RASSF5: variants seen among roughly 807,000 people sequenced by gnomAD.
RASSF5 encodes the protein ras association domain-containing protein 5.
In RASSF5, 25 loss-of-function variants were observed where a neutral mutation model predicts 40.5. The observed-to-expected ratio is 0.62, with a 90% CI of 0.45 to 0.86. The LOEUF (loss-of-function observed/expected upper bound fraction) is 0.86, where lower values mean the gene tolerates loss of function less well. RASSF5 is among the 40% of genes least tolerant of loss of function. The probability of loss-of-function intolerance (pLI) is 0.00; values close to 1 mark genes in which losing one functional copy is unlikely to be tolerated. For synonymous variants in RASSF5, 246 were observed against 252.4 expected (o/e 0.97, Z 0.24); for missense variants, 521 against 572.8 (o/e 0.91, Z 0.92).
chr1:206,579,464 A>T lies in RASSF5; in HGVS notation c.580-3805A>T, dbSNP rs1027411946. 1.1e-4 allele frequency among the ~76,000 whole-genome samples: 16 copies of T among 152,142 alleles called. No homozygotes were observed. The highest frequency in any genetic ancestry group is 2.0e-4 in the Admixed American group (3 of 15,284). ...ATCAGAGTCTTTGTCTTATCCTCTG[A>T]AGATTGCTATAGTATCGATCTCGCT... On this transcript the variant is annotated intron_variant, in intron 2 of 5. Transcript: ENST00000579436. The surrounding 1 kb of genome is among the most constrained non-coding windows in gnomAD (Gnocchi z 4.2).
chr1:206,526,662 C>T (rs1173181909), intron 1 of RASSF5, among the ~76,000 whole-genome samples: 2 of 152,180 alleles, frequency 1.3e-5, no homozygotes, highest in Non-Finnish European at 2.9e-5. Flanking sequence ...CCTATCCTTC[C>T]AGCCCCCCTG....
At chr1:206,543,554 CGT>C (rs1254768820) in intron 2 of RASSF5, 4 of 114,514 alleles carry the variant, frequency 3.5e-5, no homozygotes, top group African/African-American at 7.4e-5. Flanking sequence ...TATATATACA[CGT>C]GTGTGTGTAT....
chr1:206,582,812 G>C (rs527606752), intron 2 of RASSF5, among the ~76,000 whole-genome samples: 1 of 152,310 alleles, frequency 6.6e-6, no homozygotes, highest in South Asian at 2.1e-4. Context: ...GTAGACGCCT[G>C]TCCCTCCAGC....
At chr1:206,559,495 C>G (rs1553402291) in intron 2 of RASSF5, among the ~76,000 whole-genome samples, 1 of 152,204 alleles carries the variant, frequency 6.6e-6, no homozygotes, top group Non-Finnish European at 1.5e-5. Context: ...CCATCTCTCT[C>G]CCTTCTTCCC....
chr1:206,550,427 A>G (rs2103533053), intron 2 of RASSF5, among the ~76,000 whole-genome samples: 1 of 152,314 alleles, frequency 6.6e-6, no homozygotes, highest in African/African-American at 2.4e-5. Context: ...CTCATAATGC[A>G]CTGGGCCTTG....
intron 2 of RASSF5, among the ~76,000 whole-genome samples, chr1:206,563,072 T>C (rs1431403078): frequency 3.9e-5 from 6 of 152,174 alleles, no homozygotes; most frequent in Non-Finnish European, 7.4e-5. Context: ...CCCCCTTTAC[T>C]TAAAAAAGTT....
At chr1:206,536,200 T>C (rs144532645) in intron 1 of RASSF5, among the ~76,000 whole-genome samples, 10 of 152,230 alleles carry the variant, frequency 6.6e-5, no homozygotes, top group Middle Eastern at 3.4e-3. Flanking sequence ...GGACCAGAAA[T>C]GCATGTGGGT....
chr1:206,567,301 G>A (rs782268533), intron 2 of RASSF5, among the ~76,000 whole-genome samples: 23 of 152,300 alleles, frequency 1.5e-4, no homozygotes, highest in Non-Finnish European at 2.6e-4. Flanking sequence ...GGGAGGGAGC[G>A]GGGGAGCCTG....
chr1:206,558,214 A>T (rs782157457), intron 2 of RASSF5, among the ~76,000 whole-genome samples: 5 of 152,202 alleles, frequency 3.3e-5, no homozygotes, highest in Admixed American at 1.3e-4. Flanking sequence ...AGCAGACGAA[A>T]ACTTCTGGCC....
intron 2 of RASSF5, chr1:206,557,281 C>T: frequency 8.4e-7 from 1 of 1,191,890 alleles, no homozygotes; most frequent in South Asian, 2.7e-5. Flanking sequence ...CCGCAGAGCC[C>T]GGACGAGTCA....
intron 2 of RASSF5, among the ~76,000 whole-genome samples, chr1:206,568,114 C>G (rs1414477840): frequency 6.6e-6 from 1 of 152,148 alleles, no homozygotes; most frequent in Non-Finnish European, 1.5e-5. Flanking sequence ...ATCTTGGAGT[C>G]ACTGAAGATA....
intron 2 of RASSF5, among the ~76,000 whole-genome samples, chr1:206,547,043 G>A (rs538101127): frequency 6.6e-6 from 1 of 152,288 alleles, no homozygotes; most frequent in Non-Finnish European, 1.5e-5. Context: ...GGCTGAGGTA[G>A]GAGGGTCATT....
Position 206,535,743 on chromosome 1 carries a change from TGA to T in RASSF5, c.458-2412_458-2411del, listed in dbSNP as rs1233464559. Among the ~76,000 whole-genome samples, 3,668 of 128,094 alleles carry T rather than the reference TGA, an allele frequency of 0.029. 165 individuals are homozygous for T. The highest frequency in any genetic ancestry group is 0.097 in the African/African-American group (3,363 of 34,760). 84.0% of individuals were successfully genotyped at this position (128,094 alleles called of 152,430 possible). ...GTGTGTGTGTGTGTGTGTGTGTGTGTGAGAGAGAGAGAGAGAGATGGAAATTG... is the reference window on the plus strand; with the variant it reads ...GTGTGTGTGTGTGTGTGTGTGTGTGTGAGAGAGAGAGAGAGATGGAAATTG... On this transcript the variant is annotated intron_variant, in intron 1 of 5. Transcript: ENST00000579436. The surrounding 1 kb of genome is among the most constrained non-coding windows in gnomAD (Gnocchi z 5.0).
chr1:206,565,352 G>A (rs1324758103), intron 2 of RASSF5, among the ~76,000 whole-genome samples: 1 of 152,164 alleles, frequency 6.6e-6, no homozygotes, highest in Non-Finnish European at 1.5e-5. Context: ...ACTGCCAAGG[G>A]CTTATTTTTC....
chr1:206,508,105 G>A (rs1666512893), intron 1 of RASSF5, 46 bp downstream of exon 1: 2 of 1,304,832 alleles, frequency 1.5e-6, no homozygotes, highest in African/African-American at 3.1e-5. Flanking sequence ...ACCGCAGTCT[G>A]GGGGCGAAGG....
chr1:206,575,492 A>G lies in RASSF5; in HGVS notation c.580-7777A>G, dbSNP rs538063847. Among the ~76,000 whole-genome samples, 7 of 152,284 alleles carry G rather than the reference A, an allele frequency of 4.6e-5. No individual in the cohort carries two copies. In the South Asian group the frequency reaches 1.4e-3, roughly 32 times the overall value. ...TAAGATAGAGTCTTGCTGACAATAGAGAAAAGTGGTGAGCAGTGAAAAAGT... is the reference window on the plus strand; with the variant it reads ...TAAGATAGAGTCTTGCTGACAATAGGGAAAAGTGGTGAGCAGTGAAAAAGT... On this transcript the variant is annotated intron_variant, in intron 2 of 5. Coordinates refer to ENST00000579436, the MANE Select transcript of RASSF5 (RefSeq NM_182663.4).
chr1:206,509,887 G>T (rs1260572873), intron 1 of RASSF5, among the ~76,000 whole-genome samples: 14 of 152,048 alleles, frequency 9.2e-5, no homozygotes, highest in African/African-American at 3.4e-4. Flanking sequence ...GAAGATCTAG[G>T]CCCCCGGGCA....
intron 1 of RASSF5, among the ~76,000 whole-genome samples, chr1:206,514,755 G>C (rs1228171815): frequency 1.3e-5 from 2 of 152,198 alleles, no homozygotes; most frequent in African/African-American, 2.4e-5. Context: ...CTGGATGCTA[G>C]AGCTGGAAAA....
intron 2 of RASSF5, chr1:206,557,358 T>C: frequency 3.0e-6 from 4 of 1,334,468 alleles, no homozygotes; most frequent in Non-Finnish European, 3.8e-6. Flanking sequence ...CAGGAGCAGG[T>C]TACCGGGCCG....
Sources: gnomAD v4.1 joint callset for allele counts (sites outside exome capture counted in the v4.1 genomes callset) on GRCh38, gnomAD v4.1.1 for gene constraint, Gnocchi (gnomAD v3.1) non-coding constraint, MANE v1.5 for transcripts, NCBI Gene and HGNC (gene_info 2026-07-23, HGNC 2026-07-21) for gene names.